Variants in GPR143 observed in about 807,000 individuals in gnomAD.
The protein encoded by GPR143 is G-protein coupled receptor 143.
A neutral mutation model predicts 27.6 loss-of-function variants in GPR143; 8 were observed. The ratio of observed to expected loss-of-function variants is 0.29; its 90% CI spans 0.17 to 0.52. GPR143 has a LOEUF of 0.52. GPR143 is among the 20% of genes least tolerant of loss of function. The pLI, the probability that GPR143 is intolerant of heterozygous loss-of-function variation, is 0.96. For missense variants in GPR143, 303 were observed against 343.1 expected (o/e 0.88, Z 0.92); for synonymous variants, 156 against 153.2 (o/e 1.02, Z -0.13).
At chrX:9,767,500 G>A (rs1472065465), upstream of GPR143, among the ~76,000 whole-genome samples, 1 of 111,558 alleles carries the variant, frequency 9.0e-6, no homozygotes, top group Non-Finnish European at 1.9e-5. Context: ...TAGCAGGACT[G>A]GCCTTCCCTT....
intron 8 of GPR143, 43 bp downstream of exon 8, chrX:9,739,442 C>G (rs1389499355): frequency 2.0e-6 from 2 of 986,196 alleles, no homozygotes; most frequent in Non-Finnish European, 2.9e-6. Context: ...AAGGGGAGCC[C>G]TGGGACCCCG....
At chrX:9,765,010 C>A (rs1195195014) in intron 1 of GPR143, among the ~76,000 whole-genome samples, 1 of 80,445 alleles carries the variant, frequency 1.2e-5, no homozygotes, top group Admixed American at 1.5e-4. Flanking sequence ...GGCGACAGAG[C>A]AAGACTCCGT....
At chrX:9,755,323 CAGG>C (rs2083468848) in intron 3 of GPR143, among the ~76,000 whole-genome samples, 3 of 111,618 alleles carry the variant, frequency 2.7e-5, no homozygotes, top group Admixed American at 1.9e-4. Flanking sequence ...GAAACTGAGG[CAGG>C]AGAATCGCTT....
intron 1 of GPR143, among the ~76,000 whole-genome samples, chrX:9,764,206 G>A (rs979971921): frequency 9.0e-6 from 1 of 111,152 alleles, no homozygotes; most frequent in Admixed American, 9.7e-5. Flanking sequence ...TGGGAGGATC[G>A]CTTGAACCCA....
At position 9,743,568 on chromosome X, in the gene GPR143, A is replaced by G; in HGVS notation, c.764T>C (p.Ile255Thr). ...RFFKIMLVLIICWLSNIINES... is the reference protein window; with the variant it reads ...RFFKIMLVLITCWLSNIINES... ...ACATATATAGAAGAAAGGTTACCAAATAATTAAAACCAGCATGATTTTGAA... is the reference window on the plus strand; with the variant it reads ...ACATATATAGAAGAAAGGTTACCAAGTAATTAAAACCAGCATGATTTTGAA... The change falls in exon 6 of 9, where the codon ATT (isoleucine) becomes ACT (threonine). Residue 255 changes from isoleucine to threonine, a missense_variant. Physicochemically the swap from Ile to Thr is moderately conservative, Grantham distance 89. Coordinates refer to ENST00000467482, the MANE Select transcript of GPR143 (RefSeq NM_000273.3). The G allele has an allele frequency of 5.5e-6, 6 of 1,097,871 alleles. No homozygotes were observed. The highest frequency in any genetic ancestry group is 7.6e-6 in the Non-Finnish European group (6 of 791,342). The allele number at this position is 1,097,871 out of a possible 1,213,427, so 90.5% of individuals were successfully genotyped here.
intron 1 of GPR143, among the ~76,000 whole-genome samples, chrX:9,762,997 C>G (rs1457537579): frequency 9.0e-6 from 1 of 111,274 alleles, no homozygotes; most frequent in Non-Finnish European, 1.9e-5. Flanking sequence ...TGGATCGTAG[C>G]TCACTCTAGC....
chrX:9,745,671 A>T (rs2083425319), intron 5 of GPR143, among the ~76,000 whole-genome samples: 1 of 111,933 alleles, frequency 8.9e-6, no homozygotes, highest in Non-Finnish European at 1.9e-5. Context: ...ATGGGGCTGG[A>T]GCCGCCTCAG....
intron 8 of GPR143, among the ~76,000 whole-genome samples, chrX:9,727,330 T>G (rs2083332429): frequency 1.8e-5 from 2 of 113,568 alleles, no homozygotes; most frequent in African/African-American, 6.4e-5. Context: ...GTCCCCTTTC[T>G]GCTGAAAGCA....
intron 7 of GPR143, 27 bp from the exon 8 acceptor site, chrX:9,739,746 G>C (rs2083394579): frequency 3.2e-6 from 3 of 946,460 alleles, no homozygotes; most frequent in Non-Finnish European, 4.5e-6. Flanking sequence ...AAGACACATG[G>C]CAGTCAGTGC....
At chrX:9,736,072 G>T (rs185507950) in intron 8 of GPR143, among the ~76,000 whole-genome samples, 5 of 110,967 alleles carry the variant, frequency 4.5e-5, no homozygotes, top group Non-Finnish European at 9.4e-5. Flanking sequence ...GTAAAGCTCT[G>T]GTAGGAAAAT....
intron 3 of GPR143, among the ~76,000 whole-genome samples, chrX:9,757,170 T>C (rs2083476974): frequency 9.0e-6 from 1 of 111,430 alleles, no homozygotes; most frequent in African/African-American, 3.3e-5. Flanking sequence ...AGGCTGGGAG[T>C]CCAAGATCAA....
intron 4 of GPR143, chrX:9,748,082 A>C: frequency 7.6e-6 from 1 of 132,083 alleles, no homozygotes; most frequent in Admixed American, 7.8e-5. Context: ...CTCTGTGTGG[A>C]GGATAGAAGA....
chrX:9,777,125 T>G (rs1224036795), intron 1 of GPR143, among the ~76,000 whole-genome samples: 1 of 112,463 alleles, frequency 8.9e-6, no homozygotes, highest in Non-Finnish European at 1.9e-5. Context: ...GGACATAATT[T>G]ACCAACCACC....
intron 3 of GPR143, among the ~76,000 whole-genome samples, chrX:9,749,611 G>A (rs1253552802): frequency 5.3e-5 from 6 of 112,253 alleles, no homozygotes; most frequent in Non-Finnish European, 9.4e-5. Context: ...GCATGGATCA[G>A]TTTCTTCATT....
At chrX:9,728,408 A>G (rs2083338235) in intron 8 of GPR143, among the ~76,000 whole-genome samples, 1 of 108,333 alleles carries the variant, frequency 9.2e-6, no homozygotes, top group Non-Finnish European at 1.9e-5. Flanking sequence ...ACAAAAAAAA[A>G]AAAAATTAGA....
Position 9,725,852 on chromosome X carries a change from A to G in GPR143, c.1121-12T>C, listed in dbSNP as rs1342358372. On this transcript the variant is annotated splice_polypyrimidine_tract_variant and intron_variant, in intron 8 of 8. Coordinates refer to ENST00000467482, the MANE Select transcript of GPR143 (RefSeq NM_000273.3). The stretch of plus-strand genomic sequence containing the variant: ...GCTGGCATCAGAACCTGGAGAGGAA[A>G]AGACAAAAGACTGACTGTGTCTGTG... 1.7e-6 allele frequency: 2 copies of G among 1,205,900 alleles called. No individual in the cohort carries two copies.
chrX:9,765,543 A>C, intron 1 of GPR143, 25 bp downstream of exon 1: 1 of 1,078,248 alleles, frequency 9.3e-7, no homozygotes, highest in Non-Finnish European at 1.2e-6. Context: ...TCAGATTCCA[A>C]CCCGCGGGCC....
At chrX:9,743,526 A>G in intron 6 of GPR143, 39 bp downstream of exon 6, 2 of 761,486 alleles carry the variant, frequency 2.6e-6, no homozygotes, top group Non-Finnish European at 4.1e-6. Flanking sequence ...AGCCCTTCCC[A>G]CTGGCAATAA....
intron 6 of GPR143, 61 bp from the exon 7 acceptor site, chrX:9,741,516 C>T: frequency 1.7e-6 from 1 of 584,917 alleles, no homozygotes; most frequent in Non-Finnish European, 3.0e-6. Context: ...TTTTTAAATG[C>T]TGGAGAGTCA....
Sources: gnomAD v4.1 joint callset for allele counts (sites outside exome capture counted in the v4.1 genomes callset) on GRCh38, gnomAD v4.1.1 for gene constraint, MANE v1.5 for transcripts, NCBI Gene and HGNC (gene_info 2026-07-23, HGNC 2026-07-21) for gene names.